CNKSR2: variants seen among roughly 807,000 people sequenced by gnomAD.
The protein encoded by CNKSR2 is CNK homolog protein 2.
In CNKSR2, 14 loss-of-function variants were observed where a neutral mutation model predicts 84.4. The ratio of observed to expected loss-of-function variants is 0.17; its 90% CI spans 0.11 to 0.26. CNKSR2 has a LOEUF of 0.26. Ranked by LOEUF, CNKSR2 falls within the 10% of genes least tolerant of loss-of-function variation. CNKSR2 has a pLI of 1.00. For missense variants in CNKSR2, 485 were observed against 771.2 expected (o/e 0.63, Z 4.40); for synonymous variants, 275 against 277.9 (o/e 0.99, Z 0.10).
intron 5 of CNKSR2, among the ~76,000 whole-genome samples, chrX:21,480,102 G>A (rs2091301059): frequency 9.0e-6 from 1 of 111,100 alleles, no homozygotes; most frequent in Non-Finnish European, 1.9e-5. Context: ...ACTTAACATT[G>A]TGCTTACTGT....
chrX:21,551,265 G>C (rs1483535185), intron 11 of CNKSR2, among the ~76,000 whole-genome samples: 2 of 111,498 alleles, frequency 1.8e-5, no homozygotes, highest in African/African-American at 6.5e-5. Flanking sequence ...ACCTAATGTA[G>C]ATGATGGGTT....
At chrX:21,573,447 G>T (rs2092297799) in intron 13 of CNKSR2, among the ~76,000 whole-genome samples, 1 of 112,300 alleles carries the variant, frequency 8.9e-6, no homozygotes, top group Non-Finnish European at 1.9e-5. Context: ...CCTAGCAGAG[G>T]TTCTCAATGA....
At position 21,524,607 on chromosome X, in the gene CNKSR2, A is replaced by C. The variant is rs1601900700; in HGVS notation, c.958-2260A>C. Reference sequence around the variant, plus strand: ...AATATTCCCTTGGTCATTACCTCACACTTCAGGTGTATGTATTTTAAAATA... The same window carrying C: ...AATATTCCCTTGGTCATTACCTCACCCTTCAGGTGTATGTATTTTAAAATA... On this transcript the variant is annotated intron_variant, in intron 9 of 21. Coordinates refer to ENST00000379510, the MANE Select transcript of CNKSR2 (RefSeq NM_014927.5). 6.3e-5 allele frequency among the ~76,000 whole-genome samples: 7 copies of C among 110,612 alleles called. 2 individuals are homozygous for C. In the Admixed American group the frequency reaches 6.7e-4, roughly 11 times the overall value.
chrX:21,506,588 A>G (rs1486670426), intron 8 of CNKSR2: 2 of 111,652 alleles, frequency 1.8e-5, no homozygotes, highest in South Asian at 3.7e-4. Context: ...CTGTTATCAA[A>G]CTAAAATTTA....
At chrX:21,479,376 T>C (rs772107244) in intron 5 of CNKSR2, among the ~76,000 whole-genome samples, 3 of 111,696 alleles carry the variant, frequency 2.7e-5, no homozygotes, top group Non-Finnish European at 5.6e-5. Flanking sequence ...TAGTTCCTTA[T>C]CTTTGCTATT....
At chrX:21,621,477 A>G (rs1256641486) in intron 20 of CNKSR2, among the ~76,000 whole-genome samples, 2 of 111,597 alleles carry the variant, frequency 1.8e-5, no homozygotes, top group African/African-American at 6.5e-5. Context: ...TTATCATTTA[A>G]TAATCCTCCA....
chrX:21,549,656 C>G (rs1274113431), intron 11 of CNKSR2, among the ~76,000 whole-genome samples: 1 of 111,818 alleles, frequency 8.9e-6, no homozygotes, highest in African/African-American at 3.3e-5. Context: ...CACTACCTGA[C>G]TTCAAACTAT....
At chrX:21,396,173 C>T (rs1455139583) in intron 1 of CNKSR2, among the ~76,000 whole-genome samples, 1 of 111,123 alleles carries the variant, frequency 9.0e-6, no homozygotes, top group African/African-American at 3.3e-5. Context: ...TCTGCCTGCC[C>T]CTTGGTAATA....
chrX:21,621,561 GGAA>G (rs1429422037), intron 20 of CNKSR2, among the ~76,000 whole-genome samples: 2 of 110,988 alleles, frequency 1.8e-5, no homozygotes, highest in Non-Finnish European at 3.8e-5. Flanking sequence ...AACATTTTAA[GGAA>G]GAAAAGACCA....
rs987689612 is a variant in CNKSR2, at chrX:21,580,096, TTC to T, written c.1609-10474_1609-10473del. The stretch of plus-strand genomic sequence containing the variant: ...TCTCCCCATCAAGTTCTTTTTTCCC[TTC>T]TGTTAGATAAAACCAATTTTCCTTT... On this transcript the variant is annotated intron_variant, in intron 13 of 21. Coordinates refer to ENST00000379510, the MANE Select transcript of CNKSR2 (RefSeq NM_014927.5). Among the ~76,000 whole-genome samples, 6 of 112,042 alleles carry T rather than the reference TTC, an allele frequency of 5.4e-5. No individual in the cohort carries two copies. The South Asian group carries it at 1.9e-3, about 35-fold the overall frequency.
chrX:21,536,016 C>A (rs1249626821), intron 11 of CNKSR2, among the ~76,000 whole-genome samples: 1 of 110,809 alleles, frequency 9.0e-6, no homozygotes. Context: ...TCATATCTGG[C>A]CTTTATTGTG....
chrX:21,433,462 C>G (rs939087929), intron 3 of CNKSR2, among the ~76,000 whole-genome samples: 3 of 111,535 alleles, frequency 2.7e-5, no homozygotes, highest in African/African-American at 9.7e-5. Flanking sequence ...CACATTACAA[C>G]TGTTTATTAA....
At chrX:21,499,913 T>C (rs1269692371) in intron 7 of CNKSR2, among the ~76,000 whole-genome samples, 3 of 111,139 alleles carry the variant, frequency 2.7e-5, no homozygotes, top group African/African-American at 9.8e-5. Flanking sequence ...TACTATCATT[T>C]TCTTCTACAT....
intron 1 of CNKSR2, among the ~76,000 whole-genome samples, chrX:21,377,947 T>G (rs769749132): frequency 8.9e-6 from 1 of 111,859 alleles, no homozygotes; most frequent in African/African-American, 3.2e-5. Flanking sequence ...ATTAAAATAT[T>G]TGAGGGAGAT....
rs1224617827 is a variant in CNKSR2, at chrX:21,609,401, T to C, written c.2476T>C (p.Leu826=). 25 of 1,211,405 alleles carry C rather than the reference T, an allele frequency of 2.1e-5. No individual in the cohort carries two copies. Among genetic ancestry groups the C allele is most frequent in the Non-Finnish European group, 2.8e-5 (25 of 895,433 alleles). ...GCAGGATCACTATGGGCCATACCCC[T>C]TAGCTGAGAGTGAGAGGATGCAAGT... is the stretch of plus-strand genomic sequence containing the variant. The part of the protein sequence containing the change: ...HLQDHYGPYP[L]AESERMQVLN... The change falls in exon 20 of 22, where the codon TTA becomes CTA. Residue 826 remains leucine, a synonymous_variant. Coordinates refer to ENST00000379510, the MANE Select transcript of CNKSR2 (RefSeq NM_014927.5).
intron 20 of CNKSR2, among the ~76,000 whole-genome samples, chrX:21,639,548 A>G (rs1311342728): frequency 1.8e-5 from 2 of 112,154 alleles, no homozygotes; most frequent in East Asian, 5.6e-4. Context: ...TCATTTTGCC[A>G]TAATCTCAGT....
chrX:21,532,103 A>G (rs896995158), intron 11 of CNKSR2, 36 bp downstream of exon 11: 1 of 1,010,509 alleles, frequency 9.9e-7, no homozygotes, highest in Admixed American at 2.7e-5. Flanking sequence ...ATAAGACTAT[A>G]TTTCTGGCAT....
chrX:21,512,610 A>G (rs770013958), intron 8 of CNKSR2, among the ~76,000 whole-genome samples: 1 of 111,388 alleles, frequency 9.0e-6, no homozygotes, highest in African/African-American at 3.3e-5. Context: ...TAAGTCTAGC[A>G]GTAGGTATCC....
chrX:21,426,386 A>G lies in CNKSR2; in HGVS notation c.65-111A>G. 5 of 707,429 alleles carry G rather than the reference A, an allele frequency of 7.1e-6. No individual in the cohort carries two copies. The East Asian group carries it at 1.0e-4, about 15-fold the overall frequency. 58.3% of individuals were successfully genotyped at this position (707,429 alleles called of 1,213,427 possible). On this transcript the variant is annotated intron_variant, in intron 1 of 21. Transcript: ENST00000379510. The stretch of plus-strand genomic sequence containing the variant: ...AGGATTTGGCTAGTTCAGAGTTAAA[A>G]TGGACTTAATTTGTGACATGGTAGC...
Sources: allele counts gnomAD v4.1 joint callset (sites outside exome capture counted in the v4.1 genomes callset), GRCh38; gene constraint gnomAD v4.1.1; transcripts MANE v1.5; gene names NCBI Gene and HGNC (gene_info 2026-07-23, HGNC 2026-07-21).